The following RABGAP1L variants were observed in gnomAD, a reference collection of about 807,000 sequenced individuals.
RABGAP1L encodes the protein rab GTPase-activating protein 1-like.
In RABGAP1L, 63 loss-of-function variants were observed where a neutral mutation model predicts 137.7. That is an observed-to-expected ratio of 0.46 (90% CI 0.37 to 0.56). The LOEUF is 0.56. RABGAP1L is among the 20% of genes least tolerant of loss of function. The probability of loss-of-function intolerance (pLI) is 0.00; values close to 1 mark genes in which losing one functional copy is unlikely to be tolerated. For missense variants in RABGAP1L, 1,095 were observed against 1,244.0 expected, an observed-to-expected ratio of 0.88 and a Z score of 1.80; for synonymous variants, 431 against 433.7, an observed-to-expected ratio of 0.99 and a Z score of 0.08.
chr1:174,280,460 G>T (rs1165016078), intron 10 of RABGAP1L, among the ~76,000 whole-genome samples: 1 of 152,170 alleles, frequency 6.6e-6, no homozygotes, highest in Non-Finnish European at 1.5e-5. Context: ...AATGAAACCA[G>T]AACTTGTCCT....
chr1:174,989,797 T>G, intron 25 of RABGAP1L, 52 bp from the exon 26 acceptor site: 1 of 1,521,282 alleles, frequency 6.6e-7, no homozygotes, highest in East Asian at 2.5e-5. Context: ...ATTTATTTAT[T>G]GGCAAAGAGA....
intron 12 of RABGAP1L, among the ~76,000 whole-genome samples, chr1:174,383,744 C>T (rs558376940): frequency 3.2e-4 from 49 of 151,660 alleles, no homozygotes; most frequent in Admixed American, 2.1e-3. Flanking sequence ...AGAAATCACC[C>T]GTCTTCTGCG....
intron 4 of RABGAP1L, among the ~76,000 whole-genome samples, chr1:174,237,091 C>T (rs1273340724): frequency 6.7e-6 from 1 of 150,006 alleles, no homozygotes; most frequent in Admixed American, 6.7e-5. Flanking sequence ...AGGATTGCAA[C>T]CCCTGTCTTT....
chr1:174,799,984 A>T (rs1688602842), intron 18 of RABGAP1L: 1 of 1,040,086 alleles, frequency 9.6e-7, no homozygotes, highest in Non-Finnish European at 1.2e-6. Flanking sequence ...ACACACTCTC[A>T]CACATTCTCA....
chr1:174,840,324 G>A (rs1234267276), intron 19 of RABGAP1L, among the ~76,000 whole-genome samples: 1 of 152,120 alleles, frequency 6.6e-6, no homozygotes, highest in Non-Finnish European at 1.5e-5. Context: ...TATCTTCAAA[G>A]AAAGATATAT....
rs1041399200 is a variant in RABGAP1L at position 174,238,863 on chromosome 1, C to T, written c.543-2620C>T. On this transcript the variant is annotated intron_variant, in intron 4 of 25. Coordinates refer to ENST00000681986, the MANE Select transcript of RABGAP1L (RefSeq NM_001366446.1). ...TGGGCAATGGCGGGCGCCCCTCCCCCAGCCTTGCTGCCGCCTTGCAGTTTG... is the reference window on the plus strand; with the variant it reads ...TGGGCAATGGCGGGCGCCCCTCCCCTAGCCTTGCTGCCGCCTTGCAGTTTG... 3.8e-5 allele frequency: 6 copies of T among 156,646 alleles called. No individual in the cohort carries two copies. In the East Asian group the frequency reaches 9.4e-4, roughly 25 times the overall value. 9.7% of individuals were successfully genotyped at this position (156,646 alleles called of 1,614,324 possible).
intron 13 of RABGAP1L, among the ~76,000 whole-genome samples, chr1:174,496,285 C>G (rs1028784591): frequency 6.6e-6 from 1 of 152,276 alleles, no homozygotes; most frequent in East Asian, 1.9e-4. Context: ...AGGTCAGTGT[C>G]TTTATTCCCC....
chr1:174,534,790 A>T lies in RABGAP1L; in HGVS notation c.1711-102585A>T, dbSNP rs868326426. 1.8e-3 allele frequency among the ~76,000 whole-genome samples: 276 copies of T among 150,928 alleles called. 3 individuals are homozygous for T. The highest frequency in any genetic ancestry group is 2.5e-3 in the Non-Finnish European group (168 of 67,668). ...ACTCTGTCTCCAAAAAAAAAAAAAA[A>T]AAAAAAAAAAAAAATAATTAGAATA... On this transcript the variant is annotated intron_variant, in intron 13 of 25. Coordinates refer to ENST00000681986, the MANE Select transcript of RABGAP1L (RefSeq NM_001366446.1).
intron 1 of RABGAP1L, among the ~76,000 whole-genome samples, chr1:174,171,570 A>C (rs939998319): frequency 6.6e-6 from 1 of 152,056 alleles, no homozygotes; most frequent in African/African-American, 2.4e-5. Flanking sequence ...GCTATACATT[A>C]GCTCTCTAGA....
intron 13 of RABGAP1L, among the ~76,000 whole-genome samples, chr1:174,419,931 C>T (rs1022644274): frequency 2.0e-5 from 3 of 152,048 alleles, no homozygotes; most frequent in Non-Finnish European, 2.9e-5. Flanking sequence ...TGTATAGAGG[C>T]ATTTAAATTT....
chr1:174,793,941 C>T (rs1688051586), intron 18 of RABGAP1L, among the ~76,000 whole-genome samples: 1 of 152,168 alleles, frequency 6.6e-6, no homozygotes, highest in Non-Finnish European at 1.5e-5. Flanking sequence ...AAGCGATCCG[C>T]CCACCTCGGC....
At chr1:174,355,605 A>T (rs1310737799) in intron 11 of RABGAP1L, among the ~76,000 whole-genome samples, 1 of 151,992 alleles carries the variant, frequency 6.6e-6, no homozygotes, top group Non-Finnish European at 1.5e-5. Context: ...CTAAAACTTA[A>T]AAGTATAATA....
At chr1:174,546,410 A>G (rs889807157) in intron 13 of RABGAP1L, among the ~76,000 whole-genome samples, 1 of 152,260 alleles carries the variant, frequency 6.6e-6, no homozygotes, top group Non-Finnish European at 1.5e-5. Flanking sequence ...TAAAAAATAG[A>G]CTATTAAACC....
intron 19 of RABGAP1L, among the ~76,000 whole-genome samples, chr1:174,865,519 C>A (rs1651046762): frequency 1.3e-5 from 2 of 152,202 alleles, no homozygotes; most frequent in African/African-American, 4.8e-5. Context: ...CTTTCACAGG[C>A]AAGAACTCCT....
chr1:174,201,490 G>T (rs576563524), intron 1 of RABGAP1L, among the ~76,000 whole-genome samples: 1 of 152,042 alleles, frequency 6.6e-6, no homozygotes, highest in Non-Finnish European at 1.5e-5. Context: ...CACCGCACCC[G>T]GCCTAGAAAC....
At chr1:174,622,045 A>T (rs150322270) in intron 13 of RABGAP1L, among the ~76,000 whole-genome samples, 3,257 of 152,336 alleles carry the variant, frequency 0.021, 120 homozygotes, top group African/African-American at 0.075. Flanking sequence ...TGGGCGAAGG[A>T]TATGAATAGA....
intron 22 of RABGAP1L, among the ~76,000 whole-genome samples, chr1:174,977,443 G>T (rs563894232): frequency 6.6e-6 from 1 of 152,246 alleles, no homozygotes; most frequent in South Asian, 2.1e-4. Flanking sequence ...TTTAACCCAG[G>T]TTCTACCTGC....
intron 13 of RABGAP1L, among the ~76,000 whole-genome samples, chr1:174,524,207 G>T (rs13375788): frequency 0.57 from 85,489 of 149,042 alleles, 26,599 homozygotes; most frequent in African/African-American, 0.84. Flanking sequence ...TGTTGTTGTT[G>T]TTTTTTTAAG....
intron 13 of RABGAP1L, among the ~76,000 whole-genome samples, chr1:174,621,789 A>G (rs1672500447): frequency 6.6e-6 from 1 of 152,220 alleles, no homozygotes; most frequent in Non-Finnish European, 1.5e-5. Flanking sequence ...GGACATAGGC[A>G]TGGGCAAGGA....
Sources: gnomAD v4.1 joint callset for allele counts (sites outside exome capture counted in the v4.1 genomes callset) on GRCh38, gnomAD v4.1.1 for gene constraint, MANE v1.5 for transcripts, NCBI Gene and HGNC (gene_info 2026-07-23, HGNC 2026-07-21) for gene names.